The following SGCZ variants were observed in gnomAD, a reference collection of about 807,000 sequenced individuals.
SGCZ encodes the protein zeta-sarcoglycan.
In SGCZ, 40 loss-of-function variants were observed where a neutral mutation model predicts 41.3. That is an observed-to-expected ratio of 0.97 (90% confidence interval 0.75 to 1.26). The LOEUF (loss-of-function observed/expected upper bound fraction) is 1.26. Ranked by LOEUF, SGCZ falls within the 50% of genes most tolerant of loss-of-function variation. The pLI is 0.00. For synonymous variants in SGCZ, 206 were observed against 137.5 expected (o/e 1.50, Z -3.49); for missense variants, 552 against 369.8 (o/e 1.49, Z -4.04).
chr8:14,872,940 G>C (rs1047583099), intron 1 of SGCZ, among the ~76,000 whole-genome samples: 1 of 152,108 alleles, frequency 6.6e-6, no homozygotes, highest in Non-Finnish European at 1.5e-5. Context: ...TTGAGAGTTA[G>C]AAATAAAGCA....
chr8:14,627,477 T>C (rs1265872080), intron 1 of SGCZ, among the ~76,000 whole-genome samples: 1 of 152,128 alleles, frequency 6.6e-6, no homozygotes, highest in Non-Finnish European at 1.5e-5. Flanking sequence ...GATTTTCCAC[T>C]GTCCTATCCT....
chr8:14,470,477 A>G (rs960458419), intron 2 of SGCZ, among the ~76,000 whole-genome samples: 8 of 152,186 alleles, frequency 5.3e-5, no homozygotes, highest in African/African-American at 1.7e-4. Context: ...AAATTTGTCA[A>G]AAGTCACAAC....
intron 1 of SGCZ, among the ~76,000 whole-genome samples, chr8:14,575,445 C>A (rs966083784): frequency 1.3e-5 from 2 of 152,066 alleles, no homozygotes; most frequent in African/African-American, 2.4e-5. Context: ...ATATGTATAC[C>A]TTATTTTCCA....
At chr8:14,836,025 C>A (rs1023919462) in intron 1 of SGCZ, among the ~76,000 whole-genome samples, 2 of 152,072 alleles carry the variant, frequency 1.3e-5, no homozygotes, top group African/African-American at 4.8e-5. Flanking sequence ...CCATTACTGC[C>A]TTCCTTGGTA....
intron 3 of SGCZ, among the ~76,000 whole-genome samples, chr8:14,313,085 C>T (rs545007659): frequency 6.4e-4 from 97 of 152,252 alleles, no homozygotes; most frequent in African/African-American, 2.2e-3. Flanking sequence ...AGATAAGTTA[C>T]ATAACTACTT....
chr8:14,303,662 C>A (rs1235235788), intron 3 of SGCZ, among the ~76,000 whole-genome samples: 2 of 152,092 alleles, frequency 1.3e-5, no homozygotes, highest in Non-Finnish European at 2.9e-5. Context: ...CCTGAAACAC[C>A]AGTGTCTTCT....
chr8:15,043,897 T>C (rs1234131013), intron 1 of SGCZ, among the ~76,000 whole-genome samples: 2 of 152,084 alleles, frequency 1.3e-5, no homozygotes, highest in Admixed American at 6.6e-5. Context: ...CATACTATTA[T>C]ATAGGATCTT....
chr8:14,500,519 G>A (rs1296729569), intron 2 of SGCZ, among the ~76,000 whole-genome samples: 1 of 151,722 alleles, frequency 6.6e-6, no homozygotes, highest in Non-Finnish European at 1.5e-5. Flanking sequence ...AAATGGTTCT[G>A]CAAATAACAA....
At chr8:14,328,401 AC>A (rs144195332) in intron 2 of SGCZ, among the ~76,000 whole-genome samples, 7,061 of 152,174 alleles carry the variant, frequency 0.046, 545 homozygotes, top group African/African-American at 0.16. Flanking sequence ...TGGTTCTGCC[AC>A]TTCTTCCCTT....
At chr8:15,195,289 TGA>T (rs1487940688) in intron 1 of SGCZ, among the ~76,000 whole-genome samples, 1 of 152,178 alleles carries the variant, frequency 6.6e-6, no homozygotes, top group African/African-American at 2.4e-5. Context: ...CATTAATCTT[TGA>T]GGATGGTGTG....
chr8:14,206,622 G>A (rs1158222369), intron 4 of SGCZ, among the ~76,000 whole-genome samples: 2 of 152,172 alleles, frequency 1.3e-5, no homozygotes, highest in African/African-American at 4.8e-5. Flanking sequence ...TAAGATGTAT[G>A]TAAGTTTATA....
chr8:14,644,950 A>G (rs74566451), intron 1 of SGCZ, among the ~76,000 whole-genome samples: 28,717 of 66,538 alleles, frequency 0.43, 3,213 homozygotes, highest in East Asian at 0.7. Flanking sequence ...AGTTGCATAA[A>G]TAAAAAAAAA....
intron 1 of SGCZ, among the ~76,000 whole-genome samples, chr8:14,800,144 G>A (rs1225017453): frequency 5.0e-5 from 6 of 119,080 alleles, no homozygotes; most frequent in Non-Finnish European, 1.1e-4. Context: ...ATGTTAAGTT[G>A]TATATTTTGC....
chr8:14,514,858 C>A lies in SGCZ; in HGVS notation c.234+39874G>T, dbSNP rs987752715. 1.9e-4 allele frequency among the ~76,000 whole-genome samples: 28 copies of A among 145,390 alleles called. No homozygotes were observed. The Admixed American group carries it at 1.9e-3, about 10-fold the overall frequency. On this transcript the variant is annotated intron_variant, in intron 2 of 7. Coordinates refer to ENST00000382080, the MANE Select transcript of SGCZ (RefSeq NM_139167.4). ...ACACACACACACTGCATATATGAACCCATAGACAGAAATTACGAAAATATT... is the reference window on the plus strand; with the variant it reads ...ACACACACACACTGCATATATGAACACATAGACAGAAATTACGAAAATATT...
At chr8:14,516,901 G>C (rs1386750408) in intron 2 of SGCZ, among the ~76,000 whole-genome samples, 1 of 151,980 alleles carries the variant, frequency 6.6e-6, no homozygotes, top group Non-Finnish European at 1.5e-5. Context: ...CTGACACCAA[G>C]AGTATATGGA....
At chr8:14,312,522 G>T (rs1801582175) in intron 3 of SGCZ, among the ~76,000 whole-genome samples, 1 of 152,130 alleles carries the variant, frequency 6.6e-6, no homozygotes, top group Non-Finnish European at 1.5e-5. Context: ...GGAAAGCTGA[G>T]TCAGGAGGGC....
Position 14,470,254 on chromosome 8 carries a change from C to A in SGCZ, c.234+84478G>T, listed in dbSNP as rs536125051. Among the ~76,000 whole-genome samples, 3 of 152,132 alleles carry A rather than the reference C, an allele frequency of 2.0e-5. No individual in the cohort carries two copies. The South Asian group carries it at 6.2e-4, about 32-fold the overall frequency. ...GTGTAAGAAAATAGAAAAAAAAATG[C>A]TGAGTTTTGTTTTTTCTGCACACAA... On this transcript the variant is annotated intron_variant, in intron 2 of 7. Transcript: ENST00000382080.
chr8:15,118,861 G>C (rs1178714421), intron 1 of SGCZ, among the ~76,000 whole-genome samples: 1 of 152,128 alleles, frequency 6.6e-6, no homozygotes, highest in Non-Finnish European at 1.5e-5. Context: ...TACGATACCT[G>C]CTGCTATGGT....
chr8:14,479,720 G>T (rs1801468773), intron 2 of SGCZ, among the ~76,000 whole-genome samples: 1 of 127,654 alleles, frequency 7.8e-6, no homozygotes, highest in South Asian at 2.7e-4. Context: ...CATACCTCCA[G>T]AATTCTACTT....
Sources: gnomAD v4.1 joint callset for allele counts (sites outside exome capture counted in the v4.1 genomes callset) on GRCh38, gnomAD v4.1.1 for gene constraint, MANE v1.5 for transcripts, NCBI Gene and HGNC (gene_info 2026-07-23, HGNC 2026-07-21) for gene names.